Variants in CRACD observed in about 807,000 individuals in gnomAD.
The protein encoded by CRACD is capping protein-inhibiting regulator of actin dynamics.
Under a neutral mutation model 106.8 loss-of-function variants are expected in CRACD, and 56 were observed. The observed-to-expected ratio is 0.52, with a 90% CI of 0.42 to 0.66. The LOEUF (loss-of-function observed/expected upper bound fraction) is 0.66. CRACD is among the 30% of genes least tolerant of loss of function. The pLI is 0.00. For synonymous variants in CRACD, 754 were observed against 670.8 expected (o/e 1.12, Z -1.92); for missense variants, 1,730 against 1,623.2 (o/e 1.07, Z -1.13).
chr4:56,291,487 AC>A (rs761497617), intron 3 of CRACD, among the ~76,000 whole-genome samples: 2 of 152,030 alleles, frequency 1.3e-5, no homozygotes, highest in Non-Finnish European at 2.9e-5. Context: ...TTCAATTCCA[AC>A]CCTGCCTCAA....
At chr4:56,143,898 G>A (rs1735288370) in intron 1 of CRACD, among the ~76,000 whole-genome samples, 1 of 152,144 alleles carries the variant, frequency 6.6e-6, no homozygotes, top group Admixed American at 6.6e-5. Context: ...ACAGAGGGAT[G>A]GAGTTAAGAA....
intron 1 of CRACD, among the ~76,000 whole-genome samples, chr4:56,149,327 G>A (rs1455901659): frequency 6.6e-6 from 1 of 152,094 alleles, no homozygotes; most frequent in Non-Finnish European, 1.5e-5. Flanking sequence ...AGGAGATGAA[G>A]CCTATTGCTG....
intron 1 of CRACD, among the ~76,000 whole-genome samples, chr4:56,085,123 T>A (rs1304210522): frequency 6.6e-6 from 1 of 152,124 alleles, no homozygotes; most frequent in African/African-American, 2.4e-5. Flanking sequence ...ACATCTCTTC[T>A]CCACAAGCAT....
At chr4:56,240,481 C>T (rs1304588237) in intron 2 of CRACD, among the ~76,000 whole-genome samples, 1 of 152,192 alleles carries the variant, frequency 6.6e-6, no homozygotes, top group Non-Finnish European at 1.5e-5. Flanking sequence ...AGTTGCTCTT[C>T]TGTTTAGCCA....
At chr4:56,164,235 C>T (rs902419800) in intron 1 of CRACD, among the ~76,000 whole-genome samples, 89 of 151,580 alleles carry the variant, frequency 5.9e-4, no homozygotes, top group African/African-American at 1.9e-3. Context: ...CCCAGGTTCA[C>T]GCCATTGTCC....
intron 3 of CRACD, among the ~76,000 whole-genome samples, chr4:56,273,566 G>C (rs1321239583): frequency 2.0e-5 from 3 of 152,124 alleles, no homozygotes; most frequent in East Asian, 1.9e-4. Context: ...ATCAGAGCTG[G>C]TTAAACTCTG....
intron 3 of CRACD, among the ~76,000 whole-genome samples, chr4:56,293,929 CTTCAGGTG>C (rs55977644): frequency 0.86 from 130,681 of 151,648 alleles, 57,149 homozygotes; most frequent in Non-Finnish European, 0.94. Context: ...AAATTCTATG[CTTCAGGTG>C]TTCAGGTGTT....
intron 2 of CRACD, chr4:56,216,092 G>A (rs1334800007): frequency 6.6e-6 from 1 of 152,136 alleles, no homozygotes; most frequent in Non-Finnish European, 1.5e-5. Flanking sequence ...CAACCTTGCT[G>A]GCCCTCCCTT....
chr4:56,096,594 G>A (rs1333638148), intron 1 of CRACD, among the ~76,000 whole-genome samples: 1 of 151,706 alleles, frequency 6.6e-6, no homozygotes, highest in African/African-American at 2.4e-5. Context: ...TGCACCTATA[G>A]TAGATCCAGC....
chr4:56,070,456 CAT>C (rs1412233542), intron 1 of CRACD, among the ~76,000 whole-genome samples: 1 of 152,160 alleles, frequency 6.6e-6, no homozygotes, highest in Non-Finnish European at 1.5e-5. Context: ...CCCGCCATCG[CAT>C]CCGGCTAATT....
At chr4:56,224,566 G>GC (rs1739199764) in intron 2 of CRACD, among the ~76,000 whole-genome samples, 1 of 152,166 alleles carries the variant, frequency 6.6e-6, no homozygotes, top group Non-Finnish European at 1.5e-5. Context: ...CTACCACCTT[G>GC]CCCCAGCCAG....
intron 2 of CRACD, among the ~76,000 whole-genome samples, chr4:56,251,218 G>T (rs749363694): frequency 5.9e-5 from 9 of 152,128 alleles, no homozygotes; most frequent in Admixed American, 2.0e-4. Context: ...GCGCCTGCCT[G>T]GTCAAGTGTG....
chr4:56,220,830 C>T (rs1398923283), intron 2 of CRACD, among the ~76,000 whole-genome samples: 1 of 152,088 alleles, frequency 6.6e-6, no homozygotes, highest in Non-Finnish European at 1.5e-5. Flanking sequence ...TAGGGGAGCA[C>T]AGTCCCTGGT....
chr4:56,256,797 T>C (rs1432954987), intron 2 of CRACD, among the ~76,000 whole-genome samples: 2 of 152,028 alleles, frequency 1.3e-5, no homozygotes, highest in African/African-American at 4.8e-5. Context: ...AAATTCTAAG[T>C]CCCCCAACAG....
At chr4:56,182,763 A>G (rs1736885600) in intron 2 of CRACD, among the ~76,000 whole-genome samples, 1 of 152,108 alleles carries the variant, frequency 6.6e-6, no homozygotes, top group Admixed American at 6.6e-5. Flanking sequence ...TCTTTTAGGA[A>G]GTTTTCCAGG....
chr4:56,310,209 T>C (rs1249261557), intron 5 of CRACD, among the ~76,000 whole-genome samples: 1 of 152,064 alleles, frequency 6.6e-6, no homozygotes, highest in East Asian at 1.9e-4. Context: ...AGCCCAGCTC[T>C]TTGCATGTGG....
chr4:56,157,473 G>T (rs903737027), intron 1 of CRACD, among the ~76,000 whole-genome samples: 4 of 152,080 alleles, frequency 2.6e-5, no homozygotes, highest in Admixed American at 6.5e-5. Flanking sequence ...ATGGATGAGG[G>T]TCTACACTCT....
At chr4:56,307,835 C>CCTACCAGGAAG in intron 5 of CRACD, 136 bp downstream of exon 5, 1 of 806,944 alleles carries the variant, frequency 1.2e-6, no homozygotes, top group Non-Finnish European at 2.0e-6. Context: ...CTTGAGGGCA[C>CCTACCAGGAAG]TTCCTGGTAG....
chr4:56,065,263 T>G (rs895844957), intron 1 of CRACD, among the ~76,000 whole-genome samples: 2 of 151,998 alleles, frequency 1.3e-5, no homozygotes, highest in African/African-American at 4.8e-5. Context: ...AATTTTTGTA[T>G]TTTTAGTAGA....
Sources: allele counts gnomAD v4.1 joint callset (sites outside exome capture counted in the v4.1 genomes callset), GRCh38; gene constraint gnomAD v4.1.1; transcripts MANE v1.5; gene names NCBI Gene and HGNC (gene_info 2026-07-23, HGNC 2026-07-21).